The following FAT4 variants were observed in gnomAD, a reference collection of about 807,000 sequenced individuals.
The protein encoded by FAT4 is protocadherin Fat 4.
FAT4 carries 84 observed loss-of-function variants against 303.9 expected under a neutral mutation model. The ratio of observed to expected loss-of-function variants is 0.28; its 90% CI spans 0.23 to 0.33. The LOEUF (loss-of-function observed/expected upper bound fraction) is 0.33, where lower values mean the gene tolerates loss of function less well. Among genes scored for constraint, FAT4 ranks in the 10% least tolerant of loss-of-function variants. The pLI is 1.00. For synonymous variants in FAT4, 2,307 were observed against 2,298.8 expected, an observed-to-expected ratio of 1.00 and a Z score of -0.10; for missense variants, 6,005 against 6,146.8, an observed-to-expected ratio of 0.98 and a Z score of 0.77.
At chr4:125,484,511 A>G (rs1043306004) in intron 16 of FAT4, among the ~76,000 whole-genome samples, 13 of 152,148 alleles carry the variant, frequency 8.5e-5, no homozygotes, top group African/African-American at 3.1e-4. Context: ...TAATTGGAAT[A>G]AGGAATTCAA....
Position 125,414,929 on chromosome 4 carries a change from T to C in FAT4, c.5966T>C (p.Leu1989Pro). 1 of 1,613,154 alleles carries C rather than the reference T, an allele frequency of 6.2e-7. No individual in the cohort carries two copies. The highest frequency in any genetic ancestry group is 8.5e-7 in the Non-Finnish European group (1 of 1,179,234). The change falls in exon 6 of 18, where the codon CTT (leucine) becomes CCT (proline). Residue 1989 changes from leucine (L) to proline (P), a missense_variant. Transcript: ENST00000394329. ...TATAGCATTGCTTCAGGTGATAGCC[T>C]TGGGCAGTTTACTGTTGACAAGAAT... ...LTYSIASGDS[L>P]GQFTVDKNGV... is the part of the protein sequence containing the mutation.
At chr4:125,400,369 T>C (rs1019670001) in intron 3 of FAT4, among the ~76,000 whole-genome samples, 13 of 152,008 alleles carry the variant, frequency 8.6e-5, no homozygotes, top group South Asian at 8.3e-4. Context: ...TCTTAAGAAA[T>C]GGTTATTTCA....
At chr4:125,358,177 A>G (rs906146868) in intron 2 of FAT4, among the ~76,000 whole-genome samples, 10 of 152,160 alleles carry the variant, frequency 6.6e-5, no homozygotes, top group African/African-American at 2.4e-4. Context: ...AAACCTTATT[A>G]TGGACAAATT....
chr4:125,359,370 T>C (rs1241121899), intron 2 of FAT4, among the ~76,000 whole-genome samples: 1 of 152,204 alleles, frequency 6.6e-6, no homozygotes, highest in Non-Finnish European at 1.5e-5. Flanking sequence ...ATTAAAATGC[T>C]AAACTGGCAA....
In FAT4 at chr4:125,490,944, A is replaced by G. The variant is rs1182542398; in HGVS notation, c.14128A>G (p.Lys4710Glu). ...TCGACACAGTCCAGCCCCTTTCTCCAAATCTTCTACGTTCTATAGAAACAG... is the reference window on the plus strand; with the variant it reads ...TCGACACAGTCCAGCCCCTTTCTCCGAATCTTCTACGTTCTATAGAAACAG... ...LSRHSPAPFS[K>E]SSTFYRNSPA... is the part of the protein sequence containing the mutation. Residue 4710 changes from lysine (K) to glutamate (E), a missense_variant, in exon 18 of 18, where the codon AAA (lysine) becomes GAA (glutamate). Transcript: ENST00000394329. The G allele has an allele frequency of 2.5e-6, 4 of 1,614,140 alleles. No homozygotes were observed. Among genetic ancestry groups the G allele is most frequent in the South Asian group, 1.1e-5 (1 of 91,084 alleles).
intron 12 of FAT4, among the ~76,000 whole-genome samples, chr4:125,473,631 A>T (rs1457086761): frequency 6.6e-6 from 1 of 152,002 alleles, no homozygotes; most frequent in Non-Finnish European, 1.5e-5. Flanking sequence ...CATTCTCCAC[A>T]CATATGTAAG....
chr4:125,336,446 C>A (rs533493642), intron 2 of FAT4, among the ~76,000 whole-genome samples: 1 of 151,812 alleles, frequency 6.6e-6, no homozygotes, highest in Non-Finnish European at 1.5e-5. Context: ...TATAATCCAC[C>A]CGCCTAGGGA....
rs190175933 is a variant in FAT4, at chr4:125,319,916, C to T, written c.3505C>T (p.Arg1169Trp). 1.0e-4 allele frequency: 165 copies of T among 1,613,886 alleles called. No homozygotes were observed. Among genetic ancestry groups the T allele is most frequent in the African/African-American group, 1.9e-4 (14 of 75,012 alleles). ...GTTTGACAGGGAGTCTCTTATGAGG[C>T]GGAGAGGGACTGCTGTGTTTAGCTT... ...HQFDRESLMR[R>W]RGTAVFSFTV... The change falls in exon 2 of 18, where the codon CGG (arginine) becomes TGG (tryptophan). Residue 1169 changes from arginine (R) to tryptophan (W), a missense_variant. Physicochemically the swap from Arg to Trp is moderately radical, Grantham distance 101. Coordinates refer to ENST00000394329, the MANE Select transcript of FAT4 (RefSeq NM_001291303.3).
chr4:125,317,317 G>T lies in FAT4; in HGVS notation c.906G>T (p.Thr302=). 1.2e-6 allele frequency: 2 copies of T among 1,606,406 alleles called. No individual in the cohort carries two copies. Among genetic ancestry groups the T allele is most frequent in the Non-Finnish European group, 1.7e-6 (2 of 1,174,688 alleles). Reference sequence around the variant, plus strand: ...CCCCCTTCCAAATGGACCCTGAGACGGGACTTATCACGGTGCGGGAGCCCC... The same window carrying T: ...CCCCCTTCCAAATGGACCCTGAGACTGGACTTATCACGGTGCGGGAGCCCC... ...EGTPFQMDPE[T]GLITVREPLD... is the part of the protein sequence containing the mutation. The change falls in exon 2 of 18, where the codon ACG becomes ACT. Residue 302 remains threonine, a synonymous_variant. Transcript: ENST00000394329. The surrounding 1 kb of genome is among the most constrained non-coding windows in gnomAD (Gnocchi z 7.0).
chr4:125,414,585 G>A (rs1462120210), intron 5 of FAT4, among the ~76,000 whole-genome samples: 1 of 152,112 alleles, frequency 6.6e-6, no homozygotes, highest in Non-Finnish European at 1.5e-5. Context: ...TTGACTAATA[G>A]TATAGCGTGT....
chr4:125,410,177 CTAATT>C (rs1734789460), intron 5 of FAT4, among the ~76,000 whole-genome samples: 2 of 152,140 alleles, frequency 1.3e-5, no homozygotes, highest in Non-Finnish European at 2.9e-5. Context: ...GTTTCCTCCT[CTAATT>C]TAAGTGCAGT....
chr4:125,460,194 A>G (rs558688612), intron 10 of FAT4, among the ~76,000 whole-genome samples: 4 of 152,222 alleles, frequency 2.6e-5, no homozygotes, highest in South Asian at 2.1e-4. Context: ...TAAATAATTT[A>G]CATACTCTAC....
chr4:125,381,393 A>G (rs553334980), intron 2 of FAT4, among the ~76,000 whole-genome samples: 2 of 152,324 alleles, frequency 1.3e-5, no homozygotes, highest in South Asian at 4.1e-4. Flanking sequence ...AGACAACTGC[A>G]ATAAAGTGAA....
chr4:125,477,081 T>C, intron 13 of FAT4, 74 bp from the exon 14 acceptor site: 1 of 1,188,476 alleles, frequency 8.4e-7, no homozygotes, highest in Non-Finnish European at 1.1e-6. Flanking sequence ...ATATTCACTC[T>C]TTTTCGAACT....
At chr4:125,426,742 T>C (rs1471413196) in intron 7 of FAT4, among the ~76,000 whole-genome samples, 2 of 151,984 alleles carry the variant, frequency 1.3e-5, no homozygotes, top group Non-Finnish European at 2.9e-5. Flanking sequence ...ATAAAACAGT[T>C]TCAATCTATT....
intron 12 of FAT4, among the ~76,000 whole-genome samples, chr4:125,471,669 T>C (rs1726858420): frequency 6.6e-6 from 1 of 151,906 alleles, no homozygotes; most frequent in Non-Finnish European, 1.5e-5. Flanking sequence ...TTCCCCCATC[T>C]CTAACAGCTA....
chr4:125,451,667 A>G lies in FAT4; in HGVS notation c.10657A>G (p.Thr3553Ala), dbSNP rs755661475. 1 of 1,614,154 alleles carries G rather than the reference A, an allele frequency of 6.2e-7. No homozygotes were observed. The change falls in exon 10 of 18, where the codon ACA becomes GCA. Residue 3553 changes from threonine (T) to alanine (A), a missense_variant. Transcript: ENST00000394329. ...QGPFTYYLLS[T>A]GPATSYFSLS... is the part of the protein sequence containing the mutation. ...TCCCTTTACTTATTACTTGCTGAGCACAGGTCCTGCCACCAGTTATTTCAG... is the reference window on the plus strand; with the variant it reads ...TCCCTTTACTTATTACTTGCTGAGCGCAGGTCCTGCCACCAGTTATTTCAG...
intron 12 of FAT4, among the ~76,000 whole-genome samples, chr4:125,469,341 G>A (rs1271254592): frequency 1.3e-5 from 2 of 152,114 alleles, no homozygotes; most frequent in African/African-American, 4.8e-5. Context: ...TCGTGGTGGG[G>A]GCTATGGAAA....
chr4:125,433,199 T>C (rs1725340364), intron 7 of FAT4, among the ~76,000 whole-genome samples: 1 of 152,164 alleles, frequency 6.6e-6, no homozygotes, highest in South Asian at 2.1e-4. Context: ...GGGCACTCCA[T>C]AAACATTTTA....
Sources: allele counts gnomAD v4.1 joint callset (sites outside exome capture counted in the v4.1 genomes callset), GRCh38; gene constraint gnomAD v4.1.1; non-coding constraint Gnocchi (gnomAD v3.1); transcripts MANE v1.5; gene names NCBI Gene and HGNC (gene_info 2026-07-23, HGNC 2026-07-21).